Variants in PLCL1 observed in about 807,000 individuals in gnomAD.
The protein encoded by PLCL1 is inactive phospholipase C-like protein 1.
In PLCL1, 41 loss-of-function variants were observed where a neutral mutation model predicts 84.4. The observed-to-expected ratio is 0.49, with a 90% CI of 0.38 to 0.63. PLCL1 has a LOEUF of 0.63. PLCL1 is among the 30% of genes least tolerant of loss of function. The probability of loss-of-function intolerance (pLI) is 0.00; values close to 1 mark genes in which losing one functional copy is unlikely to be tolerated. For synonymous variants in PLCL1, 490 were observed against 488.3 expected (o/e 1.00, Z -0.05); for missense variants, 1,206 against 1,367.8 (o/e 0.88, Z 1.87).
chr2:198,135,301 G>C (rs1044659552), intron 5 of PLCL1, among the ~76,000 whole-genome samples: 3 of 152,046 alleles, frequency 2.0e-5, no homozygotes, highest in Non-Finnish European at 4.4e-5. Flanking sequence ...TGCTAATCAC[G>C]ATCTGTTACT....
At chr2:198,040,480 G>A (rs1691632877) in intron 1 of PLCL1, among the ~76,000 whole-genome samples, 1 of 152,162 alleles carries the variant, frequency 6.6e-6, no homozygotes, top group African/African-American at 2.4e-5. Flanking sequence ...GGAGATAGGG[G>A]AGGAGAGGCA....
At chr2:197,923,792 G>C (rs1688772923) in intron 1 of PLCL1, among the ~76,000 whole-genome samples, 1 of 152,170 alleles carries the variant, frequency 6.6e-6, no homozygotes, top group South Asian at 2.1e-4. Flanking sequence ...GGCACCCTGG[G>C]AGGCCAAGGC....
intron 1 of PLCL1, among the ~76,000 whole-genome samples, chr2:197,925,440 C>T (rs1000336077): frequency 3.9e-5 from 6 of 152,108 alleles, no homozygotes; most frequent in African/African-American, 1.4e-4. Context: ...TCTTGGCTTT[C>T]CCAGATTTAA....
intron 1 of PLCL1, among the ~76,000 whole-genome samples, chr2:198,012,248 G>A (rs1690885264): frequency 6.6e-6 from 1 of 152,098 alleles, no homozygotes; most frequent in Non-Finnish European, 1.5e-5. Context: ...GGGGCAATGG[G>A]GATTGCTGGG....
At chr2:197,842,446 C>T (rs548748623) in intron 1 of PLCL1, among the ~76,000 whole-genome samples, 17 of 152,232 alleles carry the variant, frequency 1.1e-4, no homozygotes, top group East Asian at 1.9e-4. Context: ...TTCTTATTCA[C>T]GATCTTATTC....
chr2:197,805,019 A>G lies in PLCL1; in HGVS notation c.-81A>G. The G allele has an allele frequency of 7.3e-7, 1 of 1,377,534 alleles. No individual in the cohort carries two copies. The highest frequency in any genetic ancestry group is 9.4e-7 in the Non-Finnish European group (1 of 1,061,870). The allele number at this position is 1,377,534 out of a possible 1,614,324, so 85.3% of individuals were successfully genotyped here. A position where few individuals can be genotyped will look rare whatever the true frequency, so the allele number is the denominator to read the frequency against. On this transcript the variant is annotated 5_prime_UTR_variant, in exon 1 of 6. Coordinates refer to ENST00000428675, the MANE Select transcript of PLCL1 (RefSeq NM_006226.4). The surrounding 1 kb of genome is among the most constrained non-coding windows in gnomAD (Gnocchi z 4.0). ...GTCTGGCGGGGCCGCCTCCCGGTGC[A>G]GGAGCGCACCGGTGCCTAGCGGCTG...
At chr2:198,062,642 A>G (rs772342745) in intron 1 of PLCL1, among the ~76,000 whole-genome samples, 2 of 152,134 alleles carry the variant, frequency 1.3e-5, no homozygotes, top group Non-Finnish European at 1.5e-5. Flanking sequence ...AGTTTTTTTC[A>G]TAAGTGTATG....
At chr2:197,890,774 A>G (rs1574933895) in intron 1 of PLCL1, among the ~76,000 whole-genome samples, 1 of 146,316 alleles carries the variant, frequency 6.8e-6, no homozygotes, top group South Asian at 2.1e-4. Flanking sequence ...ATATATACAC[A>G]TATATATGTA....
intron 1 of PLCL1, among the ~76,000 whole-genome samples, chr2:198,009,217 G>A (rs998775397): frequency 4.0e-5 from 6 of 151,744 alleles, no homozygotes; most frequent in Non-Finnish European, 5.9e-5. Flanking sequence ...TTTTGATTTC[G>A]TTGTCTGTGC....
intron 1 of PLCL1, among the ~76,000 whole-genome samples, chr2:197,806,367 C>T (rs1032914788): frequency 6.6e-6 from 1 of 152,128 alleles, no homozygotes; most frequent in African/African-American, 2.4e-5. Context: ...TTATTGGGTT[C>T]ACTAATATAT....
At chr2:197,969,783 A>G (rs941133233) in intron 1 of PLCL1, among the ~76,000 whole-genome samples, 1 of 152,246 alleles carries the variant, frequency 6.6e-6, no homozygotes, top group African/African-American at 2.4e-5. Flanking sequence ...GAAATCATTT[A>G]ATAGCCACTG....
At chr2:197,863,824 T>C (rs1350388184) in intron 1 of PLCL1, among the ~76,000 whole-genome samples, 1 of 152,130 alleles carries the variant, frequency 6.6e-6, no homozygotes, top group Non-Finnish European at 1.5e-5. Context: ...TAATATTAAA[T>C]TTCTCTATAA....
chr2:197,870,769 A>C (rs566231046), intron 1 of PLCL1, among the ~76,000 whole-genome samples: 3 of 151,248 alleles, frequency 2.0e-5, no homozygotes, highest in African/African-American at 4.9e-5. Context: ...TTTTCCTTTG[A>C]GCTCGAATAG....
At chr2:197,884,172 C>T (rs182511222) in intron 1 of PLCL1, among the ~76,000 whole-genome samples, 100 of 152,320 alleles carry the variant, frequency 6.6e-4, no homozygotes, top group African/African-American at 2.2e-3. Flanking sequence ...CAGAGATAGA[C>T]GGTCTAGCAC....
chr2:198,092,045 A>C (rs942810089), intron 3 of PLCL1, among the ~76,000 whole-genome samples: 1 of 149,266 alleles, frequency 6.7e-6, no homozygotes, highest in Non-Finnish European at 1.5e-5. Flanking sequence ...TCCCAACTGC[A>C]CCTGCATCTC....
chr2:197,829,718 G>A (rs1691015662), intron 1 of PLCL1, among the ~76,000 whole-genome samples: 2 of 152,176 alleles, frequency 1.3e-5, no homozygotes, highest in African/African-American at 2.4e-5. Context: ...CAACTGGGAA[G>A]CAGCCATAGT....
At chr2:198,037,696 T>G (rs1334866534) in intron 1 of PLCL1, among the ~76,000 whole-genome samples, 3 of 152,226 alleles carry the variant, frequency 2.0e-5, no homozygotes, top group African/African-American at 7.2e-5. Flanking sequence ...CAAAACGGTT[T>G]TATTCTATTT....
intron 5 of PLCL1, among the ~76,000 whole-genome samples, chr2:198,134,311 T>G (rs1192377963): frequency 6.7e-6 from 1 of 149,652 alleles, no homozygotes; most frequent in East Asian, 2.0e-4. Context: ...GCACCGAGAG[T>G]GAATATCTCA....
chr2:198,014,942 A>C (rs1255149932), intron 1 of PLCL1, among the ~76,000 whole-genome samples: 2 of 152,060 alleles, frequency 1.3e-5, no homozygotes, highest in African/African-American at 4.8e-5. Context: ...GCCTCATGCA[A>C]TTTTGTATAG....
Sources: gnomAD v4.1 joint callset for allele counts (sites outside exome capture counted in the v4.1 genomes callset) on GRCh38, gnomAD v4.1.1 for gene constraint, Gnocchi (gnomAD v3.1) non-coding constraint, MANE v1.5 for transcripts, NCBI Gene and HGNC (gene_info 2026-07-23, HGNC 2026-07-21) for gene names.